The following PTK2 variants were observed in gnomAD, a reference collection of about 807,000 sequenced individuals.
The protein encoded by PTK2 is focal adhesion kinase 1.
PTK2 carries 45 observed loss-of-function variants against 150.1 expected under a neutral mutation model. The ratio of observed to expected loss-of-function variants is 0.30; its 90% confidence interval spans 0.24 to 0.38. The LOEUF (loss-of-function observed/expected upper bound fraction) is 0.38, where lower values mean the gene tolerates loss of function less well. Ranked by LOEUF, PTK2 falls within the 10% of genes least tolerant of loss-of-function variation. PTK2 has a pLI of 1.00. For synonymous variants in PTK2, 432 were observed against 449.2 expected, an observed-to-expected ratio of 0.96 and a Z score of 0.48; for missense variants, 919 against 1,307.3, an observed-to-expected ratio of 0.70 and a Z score of 4.58.
chr8:140,967,541 A>G (rs950874404), intron 1 of PTK2, among the ~76,000 whole-genome samples: 3 of 148,878 alleles, frequency 2.0e-5, no homozygotes, highest in Non-Finnish European at 1.5e-5. Flanking sequence ...GCTCACTGCA[A>G]CCTCCACCTC....
intron 13 of PTK2, among the ~76,000 whole-genome samples, chr8:140,790,286 A>G (rs2100087692): frequency 6.6e-6 from 1 of 152,212 alleles, no homozygotes; most frequent in Non-Finnish European, 1.5e-5. Flanking sequence ...TCTCTTATCC[A>G]CAATGCTTGG....
chr8:140,806,378 T>G (rs532878269), intron 10 of PTK2, among the ~76,000 whole-genome samples: 1 of 152,318 alleles, frequency 6.6e-6, no homozygotes, highest in South Asian at 2.1e-4. Flanking sequence ...TTTGCATCTG[T>G]AGCTACTGCA....
At chr8:140,756,014 T>C (rs1469098808) in intron 16 of PTK2, among the ~76,000 whole-genome samples, 2 of 151,920 alleles carry the variant, frequency 1.3e-5, no homozygotes, top group Non-Finnish European at 2.9e-5. Context: ...AACAAACATA[T>C]ACAATATACA....
intron 1 of PTK2, among the ~76,000 whole-genome samples, chr8:140,981,012 G>A (rs1257805928): frequency 1.4e-5 from 2 of 146,878 alleles, no homozygotes; most frequent in African/African-American, 2.5e-5. Context: ...CGCCCACCTC[G>A]GCCTCCCAAA....
chr8:140,750,995 G>A lies in PTK2; in HGVS notation c.1417+1237C>T, dbSNP rs181390324. On this transcript the variant is annotated intron_variant, in intron 17 of 31. Coordinates refer to ENST00000522684, the Ensembl canonical transcript of PTK2. Reference sequence around the variant, plus strand: ...CTGGATGTGGTGGCGCCCATCTGTAGTACCAGGTATTTGCAGCCCCGAGAT... The same window carrying A: ...CTGGATGTGGTGGCGCCCATCTGTAATACCAGGTATTTGCAGCCCCGAGAT... Among the ~76,000 whole-genome samples the A allele has an allele frequency of 4.5e-3, 688 of 152,146 alleles. 6 individuals are homozygous for A. The highest frequency in any genetic ancestry group is 0.016 in the African/African-American group (664 of 41,504).
intron 14 of PTK2, among the ~76,000 whole-genome samples, chr8:140,779,737 G>A (rs1466381379): frequency 6.6e-6 from 1 of 152,134 alleles, no homozygotes; most frequent in Non-Finnish European, 1.5e-5. Context: ...TATGAATAGG[G>A]ATAAAGAGCA....
chr8:140,681,115 A>G (rs2100016658), intron 27 of PTK2, among the ~76,000 whole-genome samples: 1 of 152,204 alleles, frequency 6.6e-6, no homozygotes, highest in Admixed American at 6.5e-5. Flanking sequence ...CTGTAATCCC[A>G]GCACTTTGGG....
At chr8:140,841,128 G>A (rs1002375851) in intron 7 of PTK2, among the ~76,000 whole-genome samples, 2 of 152,024 alleles carry the variant, frequency 1.3e-5, no homozygotes, top group African/African-American at 4.8e-5. Flanking sequence ...ATCACAGATG[G>A]GTATGTTAAC....
At chr8:140,759,255 C>T (rs2100067791) in intron 16 of PTK2, among the ~76,000 whole-genome samples, 2 of 151,806 alleles carry the variant, frequency 1.3e-5, no homozygotes, top group African/African-American at 4.8e-5. Context: ...GATCTGCAGT[C>T]TTATACGCTG....
intron 26 of PTK2, among the ~76,000 whole-genome samples, chr8:140,691,268 G>C (rs2100023070): frequency 6.6e-6 from 1 of 151,958 alleles, no homozygotes; most frequent in African/African-American, 2.4e-5. Flanking sequence ...CCTGTCTCTG[G>C]AGCAGATTTC....
chr8:140,854,353 C>T (rs2100131216), intron 5 of PTK2, among the ~76,000 whole-genome samples: 1 of 152,200 alleles, frequency 6.6e-6, no homozygotes, highest in Non-Finnish European at 1.5e-5. Flanking sequence ...AATATGACTT[C>T]TTGACTAAAC....
intron 2 of PTK2, among the ~76,000 whole-genome samples, chr8:140,910,160 A>G (rs1471450988): frequency 6.6e-6 from 1 of 152,186 alleles, no homozygotes; most frequent in Non-Finnish European, 1.5e-5. Flanking sequence ...CACAGTCAAA[A>G]AGCAGTATTA....
intron 1 of PTK2, among the ~76,000 whole-genome samples, chr8:140,960,198 T>C: frequency 1.6e-5 from 2 of 124,880 alleles, no homozygotes; most frequent in Non-Finnish European, 1.7e-5. Flanking sequence ...TTTTTTTTTT[T>C]TTTTTTTTTT....
rs1331757883 is a variant in PTK2, at chr8:140,945,556, C to CTA, written c.-121-19809_-121-19808dup. 4.0e-5 allele frequency among the ~76,000 whole-genome samples: 6 copies of CTA among 151,826 alleles called. 1 individual carries two copies. The highest frequency in any genetic ancestry group is 8.8e-5 in the Non-Finnish European group (6 of 68,010). On this transcript the variant is annotated intron_variant, in intron 1 of 31. Coordinates refer to ENST00000522684, the Ensembl canonical transcript of PTK2. ...AGCTATGAACATGCCACTCACTGTACTACAGCCTGGGTGACAAAATGAGAC... is the reference window on the plus strand; with the variant it reads ...AGCTATGAACATGCCACTCACTGTACTATACAGCCTGGGTGACAAAATGAGAC...
At chr8:140,661,341 T>C (rs960172781) in intron 31 of PTK2, among the ~76,000 whole-genome samples, 1 of 152,014 alleles carries the variant, frequency 6.6e-6, no homozygotes, top group African/African-American at 2.4e-5. Context: ...GGAGAGGTGA[T>C]GGTGGATGTG....
intron 8 of PTK2, among the ~76,000 whole-genome samples, chr8:140,820,369 G>T (rs951605922): frequency 6.6e-6 from 1 of 151,768 alleles, no homozygotes; most frequent in Non-Finnish European, 1.5e-5. Context: ...CGAAAGTGCT[G>T]GGATTATAGG....
chr8:140,915,320 T>G (rs1207348267), intron 2 of PTK2, among the ~76,000 whole-genome samples: 1 of 152,086 alleles, frequency 6.6e-6, no homozygotes, highest in Non-Finnish European at 1.5e-5. Flanking sequence ...TCCTAGACTT[T>G]GTGAGGCCAA....
chr8:140,732,113 G>T (rs1019177913), intron 22 of PTK2, among the ~76,000 whole-genome samples: 3 of 151,958 alleles, frequency 2.0e-5, no homozygotes, highest in Non-Finnish European at 2.9e-5. Context: ...TAAAATCTTG[G>T]AAATAATAAA....
chr8:140,887,437 CATTA>C (rs1252340595), intron 3 of PTK2, among the ~76,000 whole-genome samples: 1 of 152,150 alleles, frequency 6.6e-6, no homozygotes, highest in Admixed American at 6.5e-5. Context: ...AACAATCAAA[CATTA>C]ATTAACATAC....
Sources: gnomAD v4.1 joint callset for allele counts (sites outside exome capture counted in the v4.1 genomes callset) on GRCh38, gnomAD v4.1.1 for gene constraint, MANE v1.5 for transcripts, NCBI Gene and HGNC (gene_info 2026-07-23, HGNC 2026-07-21) for gene names.